ATXN2: variants seen among roughly 807,000 people sequenced by gnomAD.
ATXN2 encodes the protein ataxin 2, also known as ataxin-2.
ATXN2 carries 37 observed loss-of-function variants against 138.6 expected under a neutral mutation model. The ratio of observed to expected loss-of-function variants is 0.27; its 90% CI spans 0.21 to 0.35. The LOEUF is 0.35. ATXN2 is among the 10% of genes least tolerant of loss of function. ATXN2 has a pLI of 1.00. For synonymous variants in ATXN2, 549 were observed against 543.7 expected (o/e 1.01, Z -0.13); for missense variants, 1,216 against 1,480.3 (o/e 0.82, Z 2.93).
chr12:111,540,212 G>T (rs1271259122), intron 5 of ATXN2, among the ~76,000 whole-genome samples: 2 of 150,234 alleles, frequency 1.3e-5, no homozygotes, highest in Non-Finnish European at 3.0e-5. Flanking sequence ...ATATCTGCAT[G>T]CATAAGACTC....
chr12:111,506,614 CATT>C (rs1293356572), intron 14 of ATXN2, among the ~76,000 whole-genome samples: 1 of 151,816 alleles, frequency 6.6e-6, no homozygotes, highest in African/African-American at 2.4e-5. Context: ...AGCAAGACAT[CATT>C]GTCCCTCTCC....
intron 21 of ATXN2, among the ~76,000 whole-genome samples, chr12:111,459,813 G>A (rs1875426420): frequency 6.6e-6 from 1 of 152,012 alleles, no homozygotes; most frequent in African/African-American, 2.4e-5. Context: ...TCGGCTCACT[G>A]CAGCCTCCGC....
At chr12:111,591,734 C>T (rs1320516078) in intron 1 of ATXN2, among the ~76,000 whole-genome samples, 1 of 152,004 alleles carries the variant, frequency 6.6e-6, no homozygotes, top group African/African-American at 2.4e-5. Context: ...TTTTTGCCTT[C>T]CATTTTTAAG....
intron 5 of ATXN2, among the ~76,000 whole-genome samples, chr12:111,536,107 A>C (rs1881157274): frequency 6.6e-6 from 1 of 152,156 alleles, no homozygotes; most frequent in Non-Finnish European, 1.5e-5. Context: ...TGTAAACAAC[A>C]GTGGCCACTG....
chr12:111,566,354 C>T (rs1047022616), intron 1 of ATXN2, among the ~76,000 whole-genome samples: 2 of 151,056 alleles, frequency 1.3e-5, no homozygotes, highest in African/African-American at 4.9e-5. Context: ...ATTGCTTGAA[C>T]CCGGGAGGCG....
intron 1 of ATXN2, among the ~76,000 whole-genome samples, chr12:111,563,399 G>T (rs1000198874): frequency 7.9e-5 from 12 of 152,152 alleles, no homozygotes; most frequent in African/African-American, 2.9e-4. Flanking sequence ...AAGGACATTA[G>T]AAGGTCTATA....
intron 5 of ATXN2, among the ~76,000 whole-genome samples, chr12:111,542,554 C>G (rs1388348183): frequency 1.3e-5 from 2 of 152,192 alleles, no homozygotes; most frequent in African/African-American, 4.8e-5. Context: ...GCAGCCTTGA[C>G]TTACTGGCTG....
At chr12:111,497,414 C>T (rs760569537) in intron 14 of ATXN2, among the ~76,000 whole-genome samples, 1 of 151,994 alleles carries the variant, frequency 6.6e-6, no homozygotes, top group Non-Finnish European at 1.5e-5. Context: ...CCAAAGGACA[C>T]ATCAAAAAGG....
intron 10 of ATXN2, among the ~76,000 whole-genome samples, chr12:111,514,695 C>T (rs555243472): frequency 1.3e-5 from 2 of 152,094 alleles, no homozygotes; most frequent in South Asian, 2.1e-4. Context: ...ACCATGTTGG[C>T]CAGGCTGGTC....
At chr12:111,474,617 A>C (rs1231975066) in intron 18 of ATXN2, among the ~76,000 whole-genome samples, 1 of 152,034 alleles carries the variant, frequency 6.6e-6, no homozygotes, top group Non-Finnish European at 1.5e-5. Flanking sequence ...AAAACAAAAA[A>C]CAAAACCAAA....
chr12:111,491,866 G>A (rs1264195778), intron 14 of ATXN2, among the ~76,000 whole-genome samples: 1 of 152,084 alleles, frequency 6.6e-6, no homozygotes, highest in African/African-American at 2.4e-5. Flanking sequence ...TTGCAAGTGG[G>A]TGCCAGCTCA....
rs1474882277 is a variant in ATXN2 at position 111,453,070 on chromosome 12, G to T, written c.3440-230C>A. Reference sequence around the variant, plus strand: ...TTCAGATAAAACTCCCAGAAGACTTGTTCATGGGGTAGAAAAAAAGGCCTT... The same window carrying T: ...TTCAGATAAAACTCCCAGAAGACTTTTTCATGGGGTAGAAAAAAAGGCCTT... On this transcript the variant is annotated intron_variant, in intron 24 of 24. Coordinates refer to ENST00000673436, the MANE Select transcript of ATXN2 (RefSeq NM_001372574.1). The surrounding 1 kb of genome is among the most constrained non-coding windows in gnomAD (Gnocchi z 5.4). 23 of 1,283,838 alleles carry T rather than the reference G, an allele frequency of 1.8e-5. No individual in the cohort carries two copies. Among genetic ancestry groups the T allele is most frequent in the Non-Finnish European group, 2.1e-5 (21 of 1,017,534 alleles). 79.5% of individuals were successfully genotyped at this position (1,283,838 alleles called of 1,614,324 possible).
At chr12:111,578,138 A>G (rs1883784929) in intron 1 of ATXN2, among the ~76,000 whole-genome samples, 1 of 152,184 alleles carries the variant, frequency 6.6e-6, no homozygotes, top group Non-Finnish European at 1.5e-5. Flanking sequence ...CAGAGACTGC[A>G]GTGAGCCAAC....
chr12:111,551,768 TATTTA>T (rs770002198), intron 5 of ATXN2, among the ~76,000 whole-genome samples: 27 of 152,318 alleles, frequency 1.8e-4, no homozygotes, highest in African/African-American at 2.6e-4. Flanking sequence ...ACAAAAACTC[TATTTA>T]ATTTTTCTCT....
chr12:111,477,338 A>G (rs1876895293), intron 18 of ATXN2, among the ~76,000 whole-genome samples: 1 of 151,994 alleles, frequency 6.6e-6, no homozygotes, highest in Non-Finnish European at 1.5e-5. Flanking sequence ...GGGTAACAAG[A>G]TCGAGACTCT....
chr12:111,483,188 AACACAT>A (rs58658912), intron 18 of ATXN2, among the ~76,000 whole-genome samples: 8,043 of 118,864 alleles, frequency 0.068, 810 homozygotes, highest in East Asian at 0.48. Flanking sequence ...CCCTGTATCA[AACACAT>A]ACACACACAC....
intron 10 of ATXN2, 108 bp from the exon 11 acceptor site, chr12:111,513,647 TAC>T (rs778544049): frequency 6.3e-5 from 56 of 894,542 alleles, no homozygotes; most frequent in Non-Finnish European, 7.7e-5. Context: ...TCACTCACTC[TAC>T]AGTTTTTCCT....
At chr12:111,501,491 ACCT>A (rs1878758784) in intron 14 of ATXN2, among the ~76,000 whole-genome samples, 1 of 152,104 alleles carries the variant, frequency 6.6e-6, no homozygotes, top group African/African-American at 2.4e-5. Flanking sequence ...GAGCCAAGAT[ACCT>A]CTTCAGCCTC....
intron 14 of ATXN2, among the ~76,000 whole-genome samples, chr12:111,508,326 G>A (rs1400321055): frequency 6.6e-6 from 1 of 151,992 alleles, no homozygotes; most frequent in African/African-American, 2.4e-5. Context: ...TACATAAGAG[G>A]AGTTTAACTG....
Sources: gnomAD v4.1 joint callset for allele counts (sites outside exome capture counted in the v4.1 genomes callset) on GRCh38, gnomAD v4.1.1 for gene constraint, Gnocchi (gnomAD v3.1) non-coding constraint, MANE v1.5 for transcripts, NCBI Gene and HGNC (gene_info 2026-07-23, HGNC 2026-07-21) for gene names.